Variants in GLIS3 observed in about 807,000 individuals in gnomAD.
GLIS3 encodes the protein zinc finger protein GLIS3.
Under a neutral mutation model 78.6 loss-of-function variants are expected in GLIS3, and 53 were observed. The observed-to-expected ratio is 0.67, with a 90% CI of 0.54 to 0.85. The LOEUF (loss-of-function observed/expected upper bound fraction) is 0.85, where lower values mean the gene tolerates loss of function less well. GLIS3 is among the 40% of genes least tolerant of loss of function. GLIS3 has a pLI of 0.00. For synonymous variants in GLIS3, 684 were observed against 509.9 expected, an observed-to-expected ratio of 1.34 and a Z score of -4.60; for missense variants, 1,703 against 1,231.1, an observed-to-expected ratio of 1.38 and a Z score of -5.74.
intron 4 of GLIS3, among the ~76,000 whole-genome samples, chr9:4,107,908 G>T (rs1230631871): frequency 6.6e-6 from 1 of 152,100 alleles, no homozygotes; most frequent in Non-Finnish European, 1.5e-5. Flanking sequence ...GCAAATAACA[G>T]AATAATAAAC....
chr9:4,397,910 G>C, the GLIS3 span, among the ~76,000 whole-genome samples: 7,563 of 151,958 alleles, frequency 0.05, 504 homozygotes, highest in East Asian at 0.24. Flanking sequence ...TATCTCTATA[G>C]ACATTCCTCC....
At chr9:4,031,099 A>C (rs1381594418) in intron 4 of GLIS3, among the ~76,000 whole-genome samples, 8 of 152,214 alleles carry the variant, frequency 5.3e-5, no homozygotes, top group African/African-American at 1.2e-4. Flanking sequence ...AGTTCTTCAA[A>C]AAGTTAAATA....
chr9:4,120,203 G>A (rs948360010), intron 3 of GLIS3, among the ~76,000 whole-genome samples: 1 of 152,128 alleles, frequency 6.6e-6, no homozygotes, highest in East Asian at 1.9e-4. Flanking sequence ...ATCTTACTCT[G>A]TTTCACAAAA....
At chr9:4,317,485 C>G (rs1439380660) in intron 2 of GLIS3, among the ~76,000 whole-genome samples, 2 of 152,170 alleles carry the variant, frequency 1.3e-5, no homozygotes, top group Non-Finnish European at 2.9e-5. Context: ...AAGCAGATGT[C>G]TTTTTAAAAA....
At chr9:4,266,591 C>T (rs148549689) in intron 2 of GLIS3, among the ~76,000 whole-genome samples, 20 of 88,414 alleles carry the variant, frequency 2.3e-4, no homozygotes, top group Admixed American at 7.3e-4. Context: ...CATGCATGCG[C>T]GTGTACACAC....
At chr9:4,186,779 T>C (rs1817839026) in intron 2 of GLIS3, among the ~76,000 whole-genome samples, 1 of 152,256 alleles carries the variant, frequency 6.6e-6, no homozygotes, top group African/African-American at 2.4e-5. Context: ...ATGTGTCTTT[T>C]GGCTGCATAA....
chr9:4,473,913 T>C, the GLIS3 span, among the ~76,000 whole-genome samples: 2,298 of 152,116 alleles, frequency 0.015, 53 homozygotes, highest in African/African-American at 0.054. Flanking sequence ...CAAAATATTA[T>C]TTAAAAAAAC....
the GLIS3 span, among the ~76,000 whole-genome samples, chr9:4,369,073 A>T: frequency 2.0e-5 from 3 of 152,278 alleles, no homozygotes; most frequent in Admixed American, 1.3e-4. Context: ...TAATCAGACC[A>T]CAAGTACTTA....
At chr9:3,969,512 G>A (rs781113144) in intron 4 of GLIS3, among the ~76,000 whole-genome samples, 9 of 152,190 alleles carry the variant, frequency 5.9e-5, no homozygotes, top group African/African-American at 1.2e-4. Flanking sequence ...GAACTGATAC[G>A]AAGTAATCAA....
chr9:3,849,598 T>A (rs1267992485), intron 9 of GLIS3, among the ~76,000 whole-genome samples: 1 of 152,134 alleles, frequency 6.6e-6, no homozygotes, highest in African/African-American at 2.4e-5. Context: ...TTGCACTGTT[T>A]CCTGTTAGAC....
At chr9:4,330,861 G>C (rs887060850) in intron 2 of GLIS3, among the ~76,000 whole-genome samples, 2 of 152,130 alleles carry the variant, frequency 1.3e-5, no homozygotes, top group African/African-American at 2.4e-5. Flanking sequence ...GCCAGGAGTG[G>C]GTTAAGCTGA....
the GLIS3 span, among the ~76,000 whole-genome samples, chr9:4,452,329 C>T: frequency 3.3e-5 from 5 of 152,090 alleles, 1 homozygote; most frequent in Non-Finnish European, 1.5e-5. Context: ...CCAGGGAAGT[C>T]AGGCAAGAGA....
intron 4 of GLIS3, among the ~76,000 whole-genome samples, chr9:4,003,106 A>G (rs978511993): frequency 6.6e-6 from 1 of 152,218 alleles, no homozygotes; most frequent in Non-Finnish European, 1.5e-5. Context: ...TAGGCTGAGC[A>G]CAGTGGCTCA....
At chr9:4,116,283 C>T (rs916073590) in intron 4 of GLIS3, among the ~76,000 whole-genome samples, 4 of 152,176 alleles carry the variant, frequency 2.6e-5, no homozygotes, top group Non-Finnish European at 5.9e-5. Flanking sequence ...TGCAATAGGC[C>T]GGTGTGTTCC....
At chr9:4,142,912 G>T (rs1036460909) in intron 2 of GLIS3, among the ~76,000 whole-genome samples, 5 of 152,192 alleles carry the variant, frequency 3.3e-5, no homozygotes, top group South Asian at 2.1e-4. Flanking sequence ...ATGTTTTAAG[G>T]CTGAAAGATC....
intron 4 of GLIS3, among the ~76,000 whole-genome samples, chr9:4,062,771 C>CA (rs990325408): frequency 3.2e-4 from 48 of 151,634 alleles, no homozygotes; most frequent in African/African-American, 1.0e-3. Context: ...ACTAAAAATA[C>CA]AAAAAAAATT....
In GLIS3 at chr9:4,046,202, T is replaced by A. The variant is rs74863012; in HGVS notation, c.1710+71566A>T. ...TATAAACTGTTTTCAAAGTTGATACTCACCTTAAGAGAGGATTCTAGTAGC... is the reference window on the plus strand; with the variant it reads ...TATAAACTGTTTTCAAAGTTGATACACACCTTAAGAGAGGATTCTAGTAGC... On this transcript the variant is annotated intron_variant, in intron 4 of 10. Coordinates refer to ENST00000381971, the MANE Select transcript of GLIS3 (RefSeq NM_001042413.2). Among the ~76,000 whole-genome samples, 22 of 152,336 alleles carry A rather than the reference T, an allele frequency of 1.4e-4. 1 individual carries two copies. In the East Asian group the frequency reaches 4.2e-3, roughly 29 times the overall value.
chr9:4,117,454 T>A (rs1362723784), intron 4 of GLIS3, among the ~76,000 whole-genome samples: 1 of 152,226 alleles, frequency 6.6e-6, no homozygotes, highest in African/African-American at 2.4e-5. Context: ...CTTCTGCTCT[T>A]GCACATCCAT....
chr9:4,000,092 G>A (rs1821027826), intron 4 of GLIS3, among the ~76,000 whole-genome samples: 1 of 152,068 alleles, frequency 6.6e-6, no homozygotes, highest in Non-Finnish European at 1.5e-5. Flanking sequence ...ATCCATGATG[G>A]TTAAATGAAT....
Sources: allele counts gnomAD v4.1 joint callset (sites outside exome capture counted in the v4.1 genomes callset), GRCh38; gene constraint gnomAD v4.1.1; transcripts MANE v1.5; gene names NCBI Gene and HGNC (gene_info 2026-07-23, HGNC 2026-07-21).